Variants in ATP11B observed in about 807,000 individuals in gnomAD.
ATP11B encodes ATPase phospholipid transporting 11B (putative).
In ATP11B, 81 loss-of-function variants were observed where a neutral mutation model predicts 157.8. The ratio of observed to expected loss-of-function variants is 0.51; its 90% CI spans 0.43 to 0.62. The LOEUF (loss-of-function observed/expected upper bound fraction) is 0.62, where lower values mean the gene tolerates loss of function less well. ATP11B is among the 20% of genes least tolerant of loss of function. The pLI, the probability that ATP11B is intolerant of heterozygous loss-of-function variation, is 0.00. For synonymous variants in ATP11B, 451 were observed against 469.4 expected (o/e 0.96, Z 0.51); for missense variants, 1,165 against 1,402.2 (o/e 0.83, Z 2.70).
At chr3:182,857,849 T>A in intron 10 of ATP11B, 29 bp from the exon 11 acceptor site, 1 of 1,358,768 alleles carries the variant, frequency 7.4e-7, no homozygotes, top group Non-Finnish European at 1.0e-6. Flanking sequence ...ATGAGTTGTA[T>A]GTTTTATATT....
chr3:182,863,189 C>T (rs1308914735), intron 12 of ATP11B, among the ~76,000 whole-genome samples: 2 of 152,134 alleles, frequency 1.3e-5, no homozygotes, highest in Non-Finnish European at 2.9e-5. Context: ...CAAGCATGAG[C>T]CACCGCGCCT....
chr3:182,807,021 A>C (rs943041662), intron 1 of ATP11B, among the ~76,000 whole-genome samples: 10 of 137,362 alleles, frequency 7.3e-5, no homozygotes, highest in Admixed American at 2.3e-4. Flanking sequence ...TCTTATGTTA[A>C]GCTTGGCTAA....
intron 12 of ATP11B, among the ~76,000 whole-genome samples, chr3:182,863,998 G>A (rs924274537): frequency 6.6e-6 from 1 of 151,876 alleles, no homozygotes; most frequent in Non-Finnish European, 1.5e-5. Context: ...AAATAGTAAA[G>A]ATAAAGTATT....
chr3:182,807,039 T>C (rs1452595845), intron 1 of ATP11B, among the ~76,000 whole-genome samples: 5 of 72,712 alleles, frequency 6.9e-5, no homozygotes. Flanking sequence ...TAAGTATTAA[T>C]TTAAAAAAAA....
At chr3:182,913,138 C>G (rs1456044691) in intron 28 of ATP11B, among the ~76,000 whole-genome samples, 3 of 152,106 alleles carry the variant, frequency 2.0e-5, no homozygotes, top group Non-Finnish European at 4.4e-5. Context: ...GATAGTACTA[C>G]TTATTCACTT....
intron 28 of ATP11B, among the ~76,000 whole-genome samples, chr3:182,907,564 C>G (rs1263842942): frequency 6.6e-6 from 1 of 152,166 alleles, no homozygotes; most frequent in Non-Finnish European, 1.5e-5. Context: ...TTTTGGTATG[C>G]TTCATATGAT....
chr3:182,910,718 C>T (rs887009580), intron 28 of ATP11B, among the ~76,000 whole-genome samples: 2 of 152,204 alleles, frequency 1.3e-5, no homozygotes, highest in African/African-American at 4.8e-5. Context: ...ATGAATTTCT[C>T]CCAGTTGATT....
At position 182,873,996 on chromosome 3, in the gene ATP11B, T is replaced by C; in HGVS notation, c.2233T>C (p.Leu745=). Residue 745 remains leucine (L), a synonymous_variant, in exon 19 of 30, where the codon TTG becomes CTG. Coordinates refer to ENST00000323116, the MANE Select transcript of ATP11B (RefSeq NM_014616.3). ...ATCAGACAGCGAGTGTGCTGAACAATTGAGGCAGCTTGCCAGAAGGTAAGA... is the reference window on the plus strand; with the variant it reads ...ATCAGACAGCGAGTGTGCTGAACAACTGAGGCAGCTTGCCAGAAGGTAAGA... The part of the protein sequence containing the change: ...QKSDSECAEQ[L]RQLARRITED... The C allele has an allele frequency of 6.2e-7, 1 of 1,613,936 alleles. No homozygotes were observed. Among genetic ancestry groups the C allele is most frequent in the Non-Finnish European group, 8.5e-7 (1 of 1,179,910 alleles).
chr3:182,801,920 A>G (rs1360093243), intron 1 of ATP11B, among the ~76,000 whole-genome samples: 3 of 152,196 alleles, frequency 2.0e-5, no homozygotes, highest in African/African-American at 7.2e-5. Flanking sequence ...TAAGCAGGAG[A>G]TGTAGTTCTT....
intron 1 of ATP11B, among the ~76,000 whole-genome samples, chr3:182,817,917 G>C (rs564650039): frequency 6.6e-6 from 1 of 151,894 alleles, no homozygotes; most frequent in Non-Finnish European, 1.5e-5. Flanking sequence ...AAAGATTTAC[G>C]TACTGTTTGA....
chr3:182,804,823 T>C (rs2108486063), intron 1 of ATP11B, among the ~76,000 whole-genome samples: 1 of 152,308 alleles, frequency 6.6e-6, no homozygotes, highest in African/African-American at 2.4e-5. Context: ...TCAACCACTT[T>C]CTGTTTCTAG....
chr3:182,830,753 A>G (rs189131881), intron 4 of ATP11B, among the ~76,000 whole-genome samples: 50 of 152,362 alleles, frequency 3.3e-4, no homozygotes, highest in Middle Eastern at 3.4e-3. Context: ...GAGCCTATAG[A>G]TTAACAATTA....
chr3:182,879,472 G>T (rs1246574861), intron 19 of ATP11B, 24 bp from the exon 20 acceptor site: 2 of 1,577,790 alleles, frequency 1.3e-6, no homozygotes, highest in Non-Finnish European at 8.6e-7. Flanking sequence ...ATCTTACAGA[G>T]AATATAATTA....
At chr3:182,844,366 A>G (rs1182591751) in intron 8 of ATP11B, 1 of 163,706 alleles carries the variant, frequency 6.1e-6, no homozygotes, top group Non-Finnish European at 1.3e-5. Flanking sequence ...AGGTGTCTTC[A>G]TAAATGGTTC....
chr3:182,842,072 T>C lies in ATP11B; in HGVS notation c.657-3T>C, dbSNP rs1267596717. The C allele has an allele frequency of 6.3e-7, 1 of 1,599,642 alleles. No homozygotes were observed. Among genetic ancestry groups the C allele is most frequent in the South Asian group, 1.1e-5 (1 of 89,840 alleles). On this transcript the variant is annotated splice_polypyrimidine_tract_variant and splice_region_variant and intron_variant, in intron 7 of 29. Transcript: ENST00000323116. Reference sequence around the variant, plus strand: ...TGTTTTTGTAATGTGAATTTTTTGATAGATTCATGGGACGAATGATCATAA... The same window carrying C: ...TGTTTTTGTAATGTGAATTTTTTGACAGATTCATGGGACGAATGATCATAA...
intron 15 of ATP11B, among the ~76,000 whole-genome samples, chr3:182,867,914 T>C (rs1028430078): frequency 6.6e-6 from 1 of 152,170 alleles, no homozygotes; most frequent in Admixed American, 6.5e-5. Context: ...AGGTAAAATA[T>C]GCAACAGAGA....
intron 25 of ATP11B, among the ~76,000 whole-genome samples, chr3:182,890,524 G>A (rs1374278465): frequency 2.6e-5 from 4 of 152,112 alleles, no homozygotes; most frequent in African/African-American, 9.7e-5. Flanking sequence ...AAATACACCG[G>A]TGTAATAAAG....
Position 182,836,338 on chromosome 3 carries a change from A to T in ATP11B, c.424-4A>T. ...AATTCACTCTTCCCCAAAATTCTTT[A>T]TAGGTGGGTGATATTGTTCGAATAG... On this transcript the variant is annotated splice_polypyrimidine_tract_variant and splice_region_variant and intron_variant, in intron 5 of 29. Coordinates refer to ENST00000323116, the MANE Select transcript of ATP11B (RefSeq NM_014616.3). The T allele has an allele frequency of 1.9e-6, 3 of 1,613,174 alleles. No individual in the cohort carries two copies. The highest frequency in any genetic ancestry group is 2.5e-6 in the Non-Finnish European group (3 of 1,179,624).
At chr3:182,851,585 G>A (rs1305184964) in intron 10 of ATP11B, among the ~76,000 whole-genome samples, 2 of 152,068 alleles carry the variant, frequency 1.3e-5, no homozygotes, top group South Asian at 2.1e-4. Flanking sequence ...TAATACAATA[G>A]CATCTATAAA....
Sources: allele counts gnomAD v4.1 joint callset (sites outside exome capture counted in the v4.1 genomes callset), GRCh38; gene constraint gnomAD v4.1.1; transcripts MANE v1.5; gene names NCBI Gene and HGNC (gene_info 2026-07-23, HGNC 2026-07-21).